Variants in MYO16 observed in about 807,000 individuals in gnomAD.
MYO16 encodes myosin XVI, also known as unconventional myosin-XVI.
In MYO16, 94 loss-of-function variants were observed where a neutral mutation model predicts 205.3. The observed-to-expected ratio is 0.46, with a 90% CI of 0.39 to 0.54. MYO16 has a LOEUF of 0.54. Ranked by LOEUF, MYO16 falls within the 20% of genes least tolerant of loss-of-function variation. The probability of loss-of-function intolerance (pLI) is 0.00; values close to 1 mark genes in which losing one functional copy is unlikely to be tolerated. For missense variants in MYO16, 2,315 were observed against 2,387.5 expected (o/e 0.97, Z 0.63); for synonymous variants, 988 against 954.0 (o/e 1.04, Z -0.66).
intron 27 of MYO16, among the ~76,000 whole-genome samples, chr13:109,079,219 C>T (rs1281630900): frequency 3.9e-5 from 6 of 152,142 alleles, no homozygotes; most frequent in South Asian, 2.1e-4. Context: ...TCAGAGGTCA[C>T]TGACTTCATT....
At chr13:109,161,366 C>G (rs1470845129) in intron 32 of MYO16, among the ~76,000 whole-genome samples, 2 of 152,204 alleles carry the variant, frequency 1.3e-5, no homozygotes, top group African/African-American at 4.8e-5. Flanking sequence ...TGTGTGGGGA[C>G]TGCTGAGCCC....
intron 20 of MYO16, among the ~76,000 whole-genome samples, chr13:108,979,236 T>C (rs1369750763): frequency 6.6e-6 from 1 of 152,006 alleles, no homozygotes; most frequent in East Asian, 1.9e-4. Flanking sequence ...TTTTGACTTT[T>C]TGGGTGATTT....
intron 2 of MYO16, among the ~76,000 whole-genome samples, chr13:108,693,311 T>C (rs1882970586): frequency 6.6e-6 from 1 of 152,176 alleles, no homozygotes; most frequent in Admixed American, 6.5e-5. Flanking sequence ...ATGTTGTGCG[T>C]CCATCACCAC....
chr13:108,857,015 CT>C (rs1329500519), intron 11 of MYO16, among the ~76,000 whole-genome samples: 1 of 152,228 alleles, frequency 6.6e-6, no homozygotes, highest in African/African-American at 2.4e-5. Context: ...TGAACAGTCA[CT>C]GAGGACTCTT....
chr13:108,693,973 T>C (rs1272968413), intron 2 of MYO16, among the ~76,000 whole-genome samples: 1 of 152,204 alleles, frequency 6.6e-6, no homozygotes, highest in African/African-American at 2.4e-5. Flanking sequence ...TGGTTTTCTG[T>C]TCCTGTGTTA....
At chr13:108,551,650 C>A in the MYO16 span, among the ~76,000 whole-genome samples, 1 of 152,122 alleles carries the variant, frequency 6.6e-6, no homozygotes, top group African/African-American at 2.4e-5. Flanking sequence ...CCACAAAAAT[C>A]TTACAAGGAT....
Position 109,140,135 on chromosome 13 carries a change from A to C in MYO16, c.4052-129A>C. ...GCCAGGGAGCCTAGTGGGTGGAGGAACATGCAGGCCCGGTCCCTTGGGATT... is the reference window on the plus strand; with the variant it reads ...GCCAGGGAGCCTAGTGGGTGGAGGACCATGCAGGCCCGGTCCCTTGGGATT... On this transcript the variant is annotated intron_variant, in intron 31 of 34. Transcript: ENST00000457511. The surrounding 1 kb of genome is among the most constrained non-coding windows in gnomAD (Gnocchi z 8.0). The C allele has an allele frequency of 7.0e-7, 1 of 1,431,930 alleles. No individual in the cohort carries two copies. Among genetic ancestry groups the C allele is most frequent in the Non-Finnish European group, 9.1e-7 (1 of 1,096,298 alleles). The allele number at this position is 1,431,930 out of a possible 1,614,324, so 88.7% of individuals were successfully genotyped here.
intron 1 of MYO16, among the ~76,000 whole-genome samples, chr13:108,651,527 A>G (rs1022218142): frequency 1.3e-5 from 2 of 152,214 alleles, no homozygotes; most frequent in Admixed American, 1.3e-4. Flanking sequence ...CTTACATTAT[A>G]CAGTAATTTT....
At chr13:109,013,239 A>G (rs1230066187) in intron 22 of MYO16, among the ~76,000 whole-genome samples, 2 of 151,588 alleles carry the variant, frequency 1.3e-5, no homozygotes, top group African/African-American at 4.8e-5. Flanking sequence ...TCCTTGCGAT[A>G]GTTTGCTCAG....
At chr13:108,949,761 C>T (rs1006996695) in intron 16 of MYO16, among the ~76,000 whole-genome samples, 1 of 152,012 alleles carries the variant, frequency 6.6e-6, no homozygotes, top group Non-Finnish European at 1.5e-5. Flanking sequence ...CTACTCTACC[C>T]ATATTAAGGC....
rs1594507378 is a variant in MYO16, at chr13:109,055,597, T to G, written c.3335+2T>G. The G allele has an allele frequency of 6.2e-7, 1 of 1,606,150 alleles. No homozygotes were observed. The highest frequency in any genetic ancestry group is 8.5e-7 in the Non-Finnish European group (1 of 1,177,696). On this transcript the variant is annotated splice_donor_variant, in intron 27 of 34. Transcript: ENST00000457511. LOFTEE classifies it high-confidence loss of function. The surrounding 1 kb of genome is among the most constrained non-coding windows in gnomAD (Gnocchi z 5.0). The stretch of plus-strand genomic sequence containing the variant: ...TTCCTTCTCGGATTTCCTGTCAAGG[T>G]AAATTCTTCTGCTCTTAAAATCGTC...
At chr13:108,966,970 C>G (rs961631540) in intron 20 of MYO16, among the ~76,000 whole-genome samples, 1 of 151,822 alleles carries the variant, frequency 6.6e-6, no homozygotes, top group Non-Finnish European at 1.5e-5. Flanking sequence ...TAAATAATAT[C>G]CTTATGGTCA....
intron 9 of MYO16, among the ~76,000 whole-genome samples, chr13:108,835,081 A>G (rs893839451): frequency 1.8e-5 from 2 of 111,640 alleles, no homozygotes; most frequent in Non-Finnish European, 2.1e-5. Flanking sequence ...CAAGTATATT[A>G]CTTAGAATTT....
chr13:108,548,046 T>G, the MYO16 span, among the ~76,000 whole-genome samples: 1 of 152,360 alleles, frequency 6.6e-6, no homozygotes, highest in South Asian at 2.1e-4. Flanking sequence ...TGCCCTAACA[T>G]ATCTGAGTCC....
chr13:109,000,686 A>C (rs557187173), intron 21 of MYO16, among the ~76,000 whole-genome samples: 1 of 152,192 alleles, frequency 6.6e-6, no homozygotes, highest in Non-Finnish European at 1.5e-5. Context: ...AGAGCATTTT[A>C]ACCAGAGGTT....
At chr13:108,631,312 A>C (rs1879970027) in intron 1 of MYO16, among the ~76,000 whole-genome samples, 1 of 152,196 alleles carries the variant, frequency 6.6e-6, no homozygotes, top group Admixed American at 6.5e-5. Flanking sequence ...GGAAGCACAA[A>C]GGGACAGTGA....
intron 4 of MYO16, among the ~76,000 whole-genome samples, chr13:108,748,341 G>A (rs895247238): frequency 1.1e-4 from 17 of 152,092 alleles, no homozygotes; most frequent in African/African-American, 3.6e-4. Flanking sequence ...AAATGTATGG[G>A]ATGCAGCAAC....
intron 9 of MYO16, among the ~76,000 whole-genome samples, chr13:108,823,885 G>A (rs993340060): frequency 4.1e-4 from 62 of 152,124 alleles, no homozygotes; most frequent in Non-Finnish European, 7.1e-4. Context: ...GCCAGCATAT[G>A]GATATACAAA....
intron 4 of MYO16, among the ~76,000 whole-genome samples, chr13:108,736,442 T>C (rs1042636183): frequency 6.6e-6 from 1 of 152,196 alleles, no homozygotes; most frequent in Non-Finnish European, 1.5e-5. Flanking sequence ...TTGTCAAAGA[T>C]CAGATGGTTG....
Sources: gnomAD v4.1 joint callset for allele counts (sites outside exome capture counted in the v4.1 genomes callset) on GRCh38, gnomAD v4.1.1 for gene constraint, Gnocchi (gnomAD v3.1) non-coding constraint, MANE v1.5 for transcripts, NCBI Gene and HGNC (gene_info 2026-07-23, HGNC 2026-07-21) for gene names.